The following DSCAM variants were observed in gnomAD, a reference collection of about 807,000 sequenced individuals.
DSCAM encodes DS cell adhesion molecule, also known as cell adhesion molecule DSCAM.
DSCAM carries 47 observed loss-of-function variants against 217.7 expected under a neutral mutation model. That is an observed-to-expected ratio of 0.22 (90% CI 0.17 to 0.28). The LOEUF (loss-of-function observed/expected upper bound fraction) is 0.28. DSCAM is among the 10% of genes least tolerant of loss of function. DSCAM has a pLI of 1.00. For synonymous variants in DSCAM, 1,056 were observed against 1,015.3 expected (o/e 1.04, Z -0.76); for missense variants, 2,080 against 2,618.3 (o/e 0.79, Z 4.49).
chr21:40,837,797 G>C (rs1331804311), intron 1 of DSCAM, among the ~76,000 whole-genome samples: 2 of 152,206 alleles, frequency 1.3e-5, no homozygotes. Flanking sequence ...TGCTGGTAGA[G>C]GCCATTGTTG....
chr21:40,793,758 T>C (rs2091667507), intron 1 of DSCAM, among the ~76,000 whole-genome samples: 1 of 152,196 alleles, frequency 6.6e-6, no homozygotes, highest in Admixed American at 6.5e-5. Flanking sequence ...CCCAAAGTGC[T>C]GGGATTACAG....
In DSCAM at chr21:40,036,775, C is replaced by G. The variant is rs542563790; in HGVS notation, c.5686+5596G>C. 2.5e-3 allele frequency among the ~76,000 whole-genome samples: 355 copies of G among 144,764 alleles called. 26 individuals are homozygous for G. The highest frequency in any genetic ancestry group is 9.1e-3 in the African/African-American group (336 of 36,770). 95.0% of individuals were successfully genotyped at this position (144,764 alleles called of 152,430 possible). A position where few individuals can be genotyped will look rare whatever the true frequency, so the allele number is the denominator to read the frequency against. On this transcript the variant is annotated intron_variant, in intron 32 of 32. Transcript: ENST00000400454. ...TGATGCAAAAACCCTCAATAAAATA[C>G]TGGCAGACCGAATCCAGCAGCACAT...
intron 3 of DSCAM, among the ~76,000 whole-genome samples, chr21:40,633,981 T>A (rs925945113): frequency 2.0e-5 from 3 of 152,298 alleles, no homozygotes; most frequent in South Asian, 2.1e-4. Context: ...ACAAAGGGTT[T>A]ACTATTTCTT....
chr21:40,833,848 T>C (rs2092031761), intron 1 of DSCAM, among the ~76,000 whole-genome samples: 1 of 152,118 alleles, frequency 6.6e-6, no homozygotes, highest in Non-Finnish European at 1.5e-5. Context: ...CTTGGCACAA[T>C]GAAGATGTTG....
intron 3 of DSCAM, among the ~76,000 whole-genome samples, chr21:40,659,674 C>CCTGT (rs2090117825): frequency 6.6e-6 from 1 of 151,632 alleles, no homozygotes; most frequent in Non-Finnish European, 1.5e-5. Flanking sequence ...CGTCTATCTG[C>CCTGT]CTATCTGTCT....
Position 40,510,018 on chromosome 21 carries a change from G to A in DSCAM, c.509-140773C>T, listed in dbSNP as rs149137421. On this transcript the variant is annotated intron_variant, in intron 3 of 32. Transcript: ENST00000400454. ...ACACAACTGTAGTCCCAGCTACTCA[G>A]GAGGCTGAGGCAGGAGAATCACTTG... Among the ~76,000 whole-genome samples, 1,344 of 152,224 alleles carry A rather than the reference G, an allele frequency of 8.8e-3. 23 individuals are homozygous for A. Among genetic ancestry groups the A allele is most frequent in the African/African-American group, 0.031 (1,272 of 41,516 alleles).
chr21:40,267,256 CAG>C (rs2073551122), intron 11 of DSCAM, among the ~76,000 whole-genome samples: 1 of 144,232 alleles, frequency 6.9e-6, no homozygotes, highest in Non-Finnish European at 1.5e-5. Context: ...AGCTGTTTTA[CAG>C]TTAACTTTTT....
intron 20 of DSCAM, among the ~76,000 whole-genome samples, chr21:40,115,097 A>G (rs539175530): frequency 6.6e-6 from 1 of 152,312 alleles, no homozygotes; most frequent in Non-Finnish European, 1.5e-5. Flanking sequence ...ACATGCTGCT[A>G]TAAAGACACA....
chr21:40,129,364 A>T (rs1180668346), intron 19 of DSCAM, among the ~76,000 whole-genome samples: 1 of 152,192 alleles, frequency 6.6e-6, no homozygotes, highest in Admixed American at 6.6e-5. Flanking sequence ...CTCTCACTAG[A>T]GCAAGAGTGT....
chr21:40,688,536 G>A (rs141500829), intron 3 of DSCAM, among the ~76,000 whole-genome samples: 1 of 152,264 alleles, frequency 6.6e-6, no homozygotes, highest in Non-Finnish European at 1.5e-5. Flanking sequence ...TAAGTGATGA[G>A]GATGTCTAAA....
At chr21:40,194,862 T>C (rs2146842460) in intron 11 of DSCAM, among the ~76,000 whole-genome samples, 1 of 152,296 alleles carries the variant, frequency 6.6e-6, no homozygotes, top group South Asian at 2.1e-4. Flanking sequence ...GGTGGTAGTA[T>C]TTATACCACT....
At chr21:40,096,389 G>T (rs1601325744) in intron 20 of DSCAM, among the ~76,000 whole-genome samples, 2 of 152,268 alleles carry the variant, frequency 1.3e-5, no homozygotes, top group South Asian at 4.2e-4. Context: ...TCCTAAGGCT[G>T]TGTCATGGGC....
chr21:40,470,295 C>A (rs1375275372), intron 3 of DSCAM, among the ~76,000 whole-genome samples: 2 of 152,232 alleles, frequency 1.3e-5, no homozygotes, highest in Non-Finnish European at 2.9e-5. Flanking sequence ...GTCTGCCTTG[C>A]AGGAAAAAGC....
chr21:40,078,874 G>A lies in DSCAM; in HGVS notation c.4524C>T (p.Ser1508=). The A allele has an allele frequency of 6.2e-7, 1 of 1,614,232 alleles. No individual in the cohort carries two copies. Among genetic ancestry groups the A allele is most frequent in the Non-Finnish European group, 8.5e-7 (1 of 1,180,054 alleles). Residue 1508 remains serine (S), a synonymous_variant, in exon 26 of 33, where the codon TCC becomes TCT. Transcript: ENST00000400454. The part of the protein sequence containing the change: ...GWNDGGCPIT[S]FTLEYRPFGT... The stretch of plus-strand genomic sequence containing the variant: ...CAAAGGGCCTGTACTCTAGTGTGAA[G>A]GAGGTGATGGGGCAGCCGCCATCAT...
At chr21:40,512,861 C>T (rs958042204) in intron 3 of DSCAM, among the ~76,000 whole-genome samples, 6 of 151,656 alleles carry the variant, frequency 4.0e-5, no homozygotes, top group African/African-American at 9.7e-5. Context: ...TTCTCAGCTT[C>T]GACGCTTGCC....
intron 3 of DSCAM, among the ~76,000 whole-genome samples, chr21:40,586,284 A>G (rs943446667): frequency 3.3e-5 from 5 of 152,140 alleles, no homozygotes; most frequent in African/African-American, 1.2e-4. Flanking sequence ...TTCTTGTACA[A>G]CCTGCAGAAC....
rs148246688 is a variant in DSCAM, at chr21:40,512,902, A to G, written c.509-143657T>C. On this transcript the variant is annotated intron_variant, in intron 3 of 32. Coordinates refer to ENST00000400454, the MANE Select transcript of DSCAM (RefSeq NM_001389.5). ...CCTCCACTAATTTTTATTTTTATTT[A>G]TTTATTTATTTTTTGAGACAGAGTT... Among the ~76,000 whole-genome samples, 447 of 151,870 alleles carry G rather than the reference A, an allele frequency of 2.9e-3. 2 individuals carry two copies. The highest frequency in any genetic ancestry group is 0.01 in the African/African-American group (422 of 41,414).
At chr21:40,344,964 C>A (rs2074542255) in intron 6 of DSCAM, among the ~76,000 whole-genome samples, 1 of 152,122 alleles carries the variant, frequency 6.6e-6, no homozygotes, top group African/African-American at 2.4e-5. Flanking sequence ...TCTTTGCAGT[C>A]TTCTTTCTCT....
chr21:40,659,369 C>CTATG (rs2090111504), intron 3 of DSCAM, among the ~76,000 whole-genome samples: 1 of 135,246 alleles, frequency 7.4e-6, no homozygotes, highest in Admixed American at 7.0e-5. Flanking sequence ...ATCTATCTAT[C>CTATG]TATCTATCTA....
Sources: allele counts gnomAD v4.1 joint callset (sites outside exome capture counted in the v4.1 genomes callset), GRCh38; gene constraint gnomAD v4.1.1; transcripts MANE v1.5; gene names NCBI Gene and HGNC (gene_info 2026-07-23, HGNC 2026-07-21).